The following MORC1 variants were observed in gnomAD, a reference collection of about 807,000 sequenced individuals.
MORC1 encodes the protein MORC family CW-type zinc finger protein 1.
MORC1 carries 59 observed loss-of-function variants against 134.9 expected under a neutral mutation model. The observed-to-expected ratio is 0.44, with a 90% confidence interval of 0.35 to 0.54. The LOEUF is 0.54. Among genes scored for constraint, MORC1 ranks in the 20% least tolerant of loss-of-function variants. The probability of loss-of-function intolerance (pLI) is 0.00; values close to 1 mark genes in which losing one functional copy is unlikely to be tolerated. For synonymous variants in MORC1, 395 were observed against 391.7 expected, an observed-to-expected ratio of 1.01 and a Z score of -0.10; for missense variants, 947 against 1,134.5, an observed-to-expected ratio of 0.83 and a Z score of 2.37.
intron 14 of MORC1, among the ~76,000 whole-genome samples, chr3:109,042,245 T>C (rs1032018917): frequency 1.3e-5 from 2 of 152,212 alleles, no homozygotes; most frequent in African/African-American, 4.8e-5. Context: ...GCAATTCCAC[T>C]GCTGGGTATA....
rs533211366 is a variant in MORC1, at chr3:109,022,074, T to C, written c.1704+5677A>G. Reference sequence around the variant, plus strand: ...TCACCATAGAGAAATGAGATCTTTGTAGTAAGAGTAATAAAGTAAAATATT... The same window carrying C: ...TCACCATAGAGAAATGAGATCTTTGCAGTAAGAGTAATAAAGTAAAATATT... On this transcript the variant is annotated intron_variant, in intron 17 of 27. Transcript: ENST00000232603. 3.3e-5 allele frequency among the ~76,000 whole-genome samples: 5 copies of C among 152,324 alleles called. No individual in the cohort carries two copies. In the East Asian group the frequency reaches 7.7e-4, roughly 24 times the overall value.
intron 8 of MORC1, among the ~76,000 whole-genome samples, chr3:109,089,309 C>T (rs1294694575): frequency 6.6e-6 from 1 of 152,062 alleles, no homozygotes; most frequent in Non-Finnish European, 1.5e-5. Context: ...CTGGTATCCA[C>T]ATAAAGAGGT....
chr3:109,049,776 G>T (rs1034294160), intron 14 of MORC1, among the ~76,000 whole-genome samples: 2 of 152,110 alleles, frequency 1.3e-5, no homozygotes, highest in African/African-American at 4.8e-5. Context: ...ATTATTAGGT[G>T]TACCAATAAG....
intron 20 of MORC1, among the ~76,000 whole-genome samples, chr3:109,002,690 A>G (rs1948436527): frequency 6.6e-6 from 1 of 152,048 alleles, no homozygotes; most frequent in Admixed American, 6.5e-5. Context: ...TTTCCCAACA[A>G]CTCTGCTCTC....
intron 26 of MORC1, among the ~76,000 whole-genome samples, chr3:108,965,477 T>A (rs187160145): frequency 6.6e-6 from 1 of 152,304 alleles, no homozygotes; most frequent in East Asian, 1.9e-4. Context: ...TATTAGTGGA[T>A]GCCAGGAGTT....
chr3:109,114,247 T>G lies in MORC1; in HGVS notation c.119+137A>C. The G allele has an allele frequency of 7.3e-6, 5 of 687,114 alleles. No individual in the cohort carries two copies. The Admixed American group carries it at 1.5e-4, about 20-fold the overall frequency. 42.6% of individuals were successfully genotyped at this position (687,114 alleles called of 1,614,324 possible). A position where few individuals can be genotyped will look rare whatever the true frequency, so the allele number is the denominator to read the frequency against. ...CAACTATCCTTTTTCCTAGAACACCTTGATTTTATAGGAAATCAAGTCACA... is the reference window on the plus strand; with the variant it reads ...CAACTATCCTTTTTCCTAGAACACCGTGATTTTATAGGAAATCAAGTCACA... On this transcript the variant is annotated intron_variant, in intron 2 of 27. Coordinates refer to ENST00000232603, the MANE Select transcript of MORC1 (RefSeq NM_014429.4).
chr3:109,021,060 G>A (rs562281506), intron 17 of MORC1, among the ~76,000 whole-genome samples: 11 of 152,280 alleles, frequency 7.2e-5, no homozygotes, highest in Non-Finnish European at 1.3e-4. Flanking sequence ...GGTGCCCAGA[G>A]GGTACAGGCG....
At chr3:109,029,411 T>G (rs890797815) in intron 16 of MORC1, among the ~76,000 whole-genome samples, 1 of 152,230 alleles carries the variant, frequency 6.6e-6, no homozygotes, top group African/African-American at 2.4e-5. Flanking sequence ...TTTATTAGAA[T>G]GCAATTCATT....
At chr3:108,996,277 C>T (rs867369243) in intron 21 of MORC1, among the ~76,000 whole-genome samples, 21 of 127,484 alleles carry the variant, frequency 1.6e-4, no homozygotes, top group African/African-American at 4.7e-4. Context: ...CGCGTGCGTG[C>T]GCGCGCGCGC....
chr3:108,967,651 T>C (rs1196638080), intron 26 of MORC1, among the ~76,000 whole-genome samples: 1 of 152,198 alleles, frequency 6.6e-6, no homozygotes, highest in South Asian at 2.1e-4. Flanking sequence ...AAGTAATACA[T>C]GTGACCTCTA....
chr3:109,044,938 C>CT (rs1423795808), intron 14 of MORC1, among the ~76,000 whole-genome samples: 1 of 137,608 alleles, frequency 7.3e-6, no homozygotes, highest in African/African-American at 2.7e-5. Flanking sequence ...GAGTGAGACT[C>CT]TGTCTCAAAA....
chr3:109,042,630 C>T (rs1949580336), intron 14 of MORC1, among the ~76,000 whole-genome samples: 1 of 152,120 alleles, frequency 6.6e-6, no homozygotes, highest in Admixed American at 6.5e-5. Flanking sequence ...ACCTGCACAC[C>T]CATATTCATT....
At chr3:109,089,612 C>T (rs1277219942) in intron 8 of MORC1, among the ~76,000 whole-genome samples, 1 of 150,782 alleles carries the variant, frequency 6.6e-6, no homozygotes, top group Non-Finnish European at 1.5e-5. Context: ...CACAAATGGA[C>T]TATTTAAAGA....
chr3:108,979,117 AC>A, intron 24 of MORC1, among the ~76,000 whole-genome samples: 1 of 152,308 alleles, frequency 6.6e-6, no homozygotes, highest in East Asian at 1.9e-4. Flanking sequence ...TCTACACAGA[AC>A]AAAACAAGTA....
Position 108,971,412 on chromosome 3 carries a change from C to T in MORC1, c.2478-10G>A, listed in dbSNP as rs751243377. 1 of 1,606,778 alleles carries T rather than the reference C, an allele frequency of 6.2e-7. No homozygotes were observed. The highest frequency in any genetic ancestry group is 8.5e-7 in the Non-Finnish European group (1 of 1,173,726). On this transcript the variant is annotated splice_polypyrimidine_tract_variant and intron_variant, in intron 24 of 27. Transcript: ENST00000232603. ...ATACAGAAGAATCTCCCTAGGAATA[C>T]AAGCACAGCAGATATGGGAATATAC...
chr3:109,020,196 T>C (rs533222649), intron 17 of MORC1, among the ~76,000 whole-genome samples: 15 of 152,270 alleles, frequency 9.9e-5, no homozygotes, highest in Admixed American at 5.2e-4. Context: ...TTCAGATGCA[T>C]TTTAAGTAAT....
At chr3:108,981,011 A>G (rs916752025) in intron 23 of MORC1, among the ~76,000 whole-genome samples, 1 of 152,168 alleles carries the variant, frequency 6.6e-6, no homozygotes, top group South Asian at 2.1e-4. Context: ...TGCAGGTTTT[A>G]AAAAGATACA....
intron 6 of MORC1, among the ~76,000 whole-genome samples, chr3:109,098,280 T>C (rs1247524311): frequency 6.6e-6 from 1 of 152,166 alleles, no homozygotes. Flanking sequence ...TTGCTGTTTT[T>C]AGTTTTTTTT....
At chr3:109,025,379 C>CTTTTTTTT (rs63701060) in intron 17 of MORC1, among the ~76,000 whole-genome samples, 411 of 105,106 alleles carry the variant, frequency 3.9e-3, no homozygotes, top group Non-Finnish European at 4.9e-3. Flanking sequence ...TTTCTTTTTT[C>CTTTTTTTT]TTTTTTTTTT....
Sources: gnomAD v4.1 joint callset for allele counts (sites outside exome capture counted in the v4.1 genomes callset) on GRCh38, gnomAD v4.1.1 for gene constraint, MANE v1.5 for transcripts, NCBI Gene and HGNC (gene_info 2026-07-23, HGNC 2026-07-21) for gene names.